Variants in CDH13 observed in about 807,000 individuals in gnomAD.
CDH13 encodes the protein cadherin 13.
Under a neutral mutation model 63.8 loss-of-function variants are expected in CDH13, and 24 were observed. That is an observed-to-expected ratio of 0.38 (90% CI 0.27 to 0.53). The LOEUF (loss-of-function observed/expected upper bound fraction) is 0.53, where lower values mean the gene tolerates loss of function less well. Among genes scored for constraint, CDH13 ranks in the 20% least tolerant of loss-of-function variants. The probability of loss-of-function intolerance (pLI) is 0.85; values close to 1 mark genes in which losing one functional copy is unlikely to be tolerated. For synonymous variants in CDH13, 503 were observed against 355.3 expected (o/e 1.42, Z -4.67); for missense variants, 1,049 against 903.1 (o/e 1.16, Z -2.07).
chr16:83,454,322 C>A (rs1415843653), intron 6 of CDH13, among the ~76,000 whole-genome samples: 1 of 152,172 alleles, frequency 6.6e-6, no homozygotes, highest in East Asian at 1.9e-4. Flanking sequence ...GATACACATT[C>A]CCAAATAAGC....
intron 11 of CDH13, among the ~76,000 whole-genome samples, chr16:83,778,528 A>G (rs1312375023): frequency 4.6e-5 from 1 of 21,864 alleles, no homozygotes; most frequent in Admixed American, 2.9e-4. Context: ...AGACTCACCA[A>G]AAAAAAAAAA....
At chr16:83,791,686 C>T (rs1916276090) in intron 13 of CDH13, among the ~76,000 whole-genome samples, 1 of 151,562 alleles carries the variant, frequency 6.6e-6, no homozygotes, top group South Asian at 2.1e-4. Flanking sequence ...TGGCACACGC[C>T]TATAATCCCA....
chr16:82,730,050 G>C (rs1225080450), intron 1 of CDH13, among the ~76,000 whole-genome samples: 3 of 152,168 alleles, frequency 2.0e-5, no homozygotes, highest in Non-Finnish European at 4.4e-5. Flanking sequence ...GTTGGCTTAA[G>C]GGAATGCTGT....
At chr16:83,588,242 A>G (rs1906368972) in intron 7 of CDH13, among the ~76,000 whole-genome samples, 1 of 152,228 alleles carries the variant, frequency 6.6e-6, no homozygotes, top group Non-Finnish European at 1.5e-5. Flanking sequence ...CACGCCCCGC[A>G]AAACCAGGCT....
chr16:83,702,383 C>A (rs1444963986), intron 10 of CDH13, among the ~76,000 whole-genome samples: 1 of 152,168 alleles, frequency 6.6e-6, no homozygotes, highest in Non-Finnish European at 1.5e-5. Flanking sequence ...TGGCTCTGCT[C>A]CATAACGTTC....
In CDH13 at chr16:83,591,469, C is replaced by A. The variant is rs960091012; in HGVS notation, c.961-10985C>A. Among the ~76,000 whole-genome samples the A allele has an allele frequency of 3.3e-5, 5 of 152,238 alleles. No individual in the cohort carries two copies. The East Asian group carries it at 5.8e-4, about 18-fold the overall frequency. ...CTGGGATTCACTCTGTTTCCTCTCA[C>A]TGTGAGTTCCTTGAAGGTAGGGCAG... On this transcript the variant is annotated intron_variant, in intron 7 of 13. Coordinates refer to ENST00000567109, the MANE Select transcript of CDH13 (RefSeq NM_001257.5).
chr16:83,180,937 G>A (rs2038330128), intron 4 of CDH13: 2 of 1,531,280 alleles, frequency 1.3e-6, no homozygotes, highest in East Asian at 2.4e-5. Context: ...TTAAATCCAT[G>A]CATTACAATT....
At chr16:82,796,344 A>G (rs950932250) in intron 1 of CDH13, among the ~76,000 whole-genome samples, 2 of 152,128 alleles carry the variant, frequency 1.3e-5, no homozygotes, top group Non-Finnish European at 2.9e-5. Flanking sequence ...CTTCTCTTCC[A>G]TTTAGAACCA....
intron 4 of CDH13, among the ~76,000 whole-genome samples, chr16:83,155,527 C>T (rs750687134): frequency 2.0e-4 from 31 of 152,130 alleles, no homozygotes; most frequent in Non-Finnish European, 4.4e-4. Context: ...GGTGACTCTT[C>T]CTCCAGCTCT....
chr16:83,183,629 G>A (rs1362014688), intron 4 of CDH13, among the ~76,000 whole-genome samples: 1 of 152,144 alleles, frequency 6.6e-6, no homozygotes, highest in African/African-American at 2.4e-5. Context: ...CAAAGTCAGG[G>A]TGTGTTTAGT....
chr16:82,766,063 A>G (rs1044513703), intron 1 of CDH13, among the ~76,000 whole-genome samples: 1 of 152,230 alleles, frequency 6.6e-6, no homozygotes, highest in Non-Finnish European at 1.5e-5. Flanking sequence ...TTAAGAATTG[A>G]GGTGCCCTAA....
At chr16:83,550,024 C>G (rs1210167950) in intron 7 of CDH13, among the ~76,000 whole-genome samples, 1 of 152,214 alleles carries the variant, frequency 6.6e-6, no homozygotes, top group Non-Finnish European at 1.5e-5. Context: ...GCCAAAAACA[C>G]TAATTAGCAG....
intron 7 of CDH13, among the ~76,000 whole-genome samples, chr16:83,568,168 T>C (rs1904303611): frequency 6.6e-6 from 1 of 151,548 alleles, no homozygotes; most frequent in Admixed American, 6.6e-5. Context: ...TGGAACGAAA[T>C]GACACTCACC....
intron 7 of CDH13, among the ~76,000 whole-genome samples, chr16:83,574,268 C>G (rs1172075518): frequency 1.3e-5 from 2 of 152,194 alleles, no homozygotes; most frequent in Non-Finnish European, 2.9e-5. Flanking sequence ...ATGGGAGCAC[C>G]TTGCTCTCCA....
At chr16:82,659,344 T>C (rs1298224007) in intron 1 of CDH13, among the ~76,000 whole-genome samples, 1 of 152,114 alleles carries the variant, frequency 6.6e-6, no homozygotes, top group Non-Finnish European at 1.5e-5. Context: ...TAGGTCATAA[T>C]CCTGGAAAGA....
intron 4 of CDH13, among the ~76,000 whole-genome samples, chr16:83,162,508 C>G (rs1597444811): frequency 6.6e-6 from 1 of 152,156 alleles, no homozygotes; most frequent in Non-Finnish European, 1.5e-5. Context: ...TTCTCTAGTG[C>G]TAAGCCTTAG....
chr16:83,752,860 G>C (rs989581798), intron 11 of CDH13, among the ~76,000 whole-genome samples: 1 of 152,204 alleles, frequency 6.6e-6, no homozygotes, highest in African/African-American at 2.4e-5. Context: ...ATCCCACCCA[G>C]GTGGGGGTTT....
intron 6 of CDH13, among the ~76,000 whole-genome samples, chr16:83,365,258 C>T (rs1023353293): frequency 9.9e-5 from 15 of 152,186 alleles, no homozygotes; most frequent in African/African-American, 2.9e-4. Flanking sequence ...TGTTTAAGTC[C>T]GAAGGCTGGA....
chr16:83,065,703 C>CA (rs57299907), intron 3 of CDH13, among the ~76,000 whole-genome samples: 50,403 of 129,822 alleles, frequency 0.39, 8,697 homozygotes, highest in Middle Eastern at 0.48. Flanking sequence ...AGATTTGTCT[C>CA]AAAAAAAAAC....
Sources: gnomAD v4.1 joint callset for allele counts (sites outside exome capture counted in the v4.1 genomes callset) on GRCh38, gnomAD v4.1.1 for gene constraint, MANE v1.5 for transcripts, NCBI Gene and HGNC (gene_info 2026-07-23, HGNC 2026-07-21) for gene names.